PKHD1L1: variants seen among roughly 807,000 people sequenced by gnomAD.
The protein encoded by PKHD1L1 is fibrocystin-L.
Under a neutral mutation model 462.9 loss-of-function variants are expected in PKHD1L1, and 434 were observed. That is an observed-to-expected ratio of 0.94 (90% CI 0.87 to 1.02). The LOEUF (loss-of-function observed/expected upper bound fraction) is 1.02. PKHD1L1 is among the 50% of genes least tolerant of loss of function. The pLI is 0.00. For synonymous variants in PKHD1L1, 1,781 were observed against 1,750.0 expected (o/e 1.02, Z -0.44); for missense variants, 5,202 against 5,096.1 (o/e 1.02, Z -0.63).
rs1045357947 is a variant in PKHD1L1, at chr8:109,476,574, A to T, written c.8824A>T (p.Met2942Leu). Residue 2942 changes from methionine (M) to leucine (L), a missense_variant, in exon 52 of 78, where the codon ATG becomes TTG. Met to Leu is a conservative substitution (Grantham distance 15). Coordinates refer to ENST00000378402, the MANE Select transcript of PKHD1L1 (RefSeq NM_177531.6). ...QNPDMFNIID[M>L]RNGSSNPLNW... is the part of the protein sequence containing the mutation. ...TCCTGACATGTTTAATATTATTGATATGAGGAATGGTTCCTCAAATCCATT... is the reference window on the plus strand; with the variant it reads ...TCCTGACATGTTTAATATTATTGATTTGAGGAATGGTTCCTCAAATCCATT... 3 of 1,557,234 alleles carry T rather than the reference A, an allele frequency of 1.9e-6. No homozygotes were observed. Among genetic ancestry groups the T allele is most frequent in the Non-Finnish European group, 2.6e-6 (3 of 1,139,876 alleles).
chr8:109,441,737 C>T (rs1041990155), intron 34 of PKHD1L1, among the ~76,000 whole-genome samples: 3 of 151,966 alleles, frequency 2.0e-5, no homozygotes, highest in African/African-American at 7.2e-5. Flanking sequence ...TCTAAGCAAA[C>T]TATTTATTGA....
intron 51 of PKHD1L1, among the ~76,000 whole-genome samples, chr8:109,475,861 A>AG (rs1001351122): frequency 1.3e-5 from 2 of 151,116 alleles, no homozygotes; most frequent in Non-Finnish European, 2.9e-5. Flanking sequence ...AAAAAAAAAA[A>AG]AAGCCACTAC....
chr8:109,401,542 A>G lies in PKHD1L1; in HGVS notation c.1327A>G (p.Ser443Gly). ...TGCTAATGCCAACAGTTATTTTTCC[A>G]GTCCAACACAAAGATCAGATGATAT... ...HSANANSYFS[S>G]PTQRSDDIHL... The change falls in exon 14 of 78, where the codon AGT becomes GGT. Residue 443 changes from serine (S) to glycine (G), a missense_variant. Transcript: ENST00000378402. 1 of 1,594,992 alleles carries G rather than the reference A, an allele frequency of 6.3e-7. No homozygotes were observed. Among genetic ancestry groups the G allele is most frequent in the Non-Finnish European group, 8.6e-7 (1 of 1,164,336 alleles).
intron 2 of PKHD1L1, among the ~76,000 whole-genome samples, chr8:109,380,223 C>A (rs1005749971): frequency 6.7e-6 from 1 of 149,696 alleles, no homozygotes; most frequent in African/African-American, 2.6e-5. Flanking sequence ...CTACCTCTAA[C>A]ACTCTTGTAT....
chr8:109,493,770 G>C lies in PKHD1L1; in HGVS notation c.10327+19G>C. Reference sequence around the variant, plus strand: ...TGCCCAGGTAAGTCTTTTAAACCAGGAATCGCTAAAACTAGGAAATAACTT... The same window carrying C: ...TGCCCAGGTAAGTCTTTTAAACCAGCAATCGCTAAAACTAGGAAATAACTT... On this transcript the variant is annotated intron_variant, in intron 63 of 77. Transcript: ENST00000378402. 1.3e-6 allele frequency: 2 copies of C among 1,521,986 alleles called. No individual in the cohort carries two copies. The allele number at this position is 1,521,986 out of a possible 1,614,324, so 94.3% of individuals were successfully genotyped here.
In PKHD1L1 at chr8:109,413,538, G is replaced by A; in HGVS notation, c.2353G>A (p.Gly785Arg). The stretch of plus-strand genomic sequence containing the variant: ...ACAGTTTACATACAACTTTGCTTAT[G>A]GAAACAAGTAAGTTACGCTATGAAT... ...DTQFTYNFAY[G>R]NNWTYTCIDL... Residue 785 changes from glycine (G) to arginine (R), a missense_variant, in exon 21 of 78, where the codon GGA becomes AGA. Physicochemically the swap from Gly to Arg is moderately radical, Grantham distance 125. This residue lies in a region of PKHD1L1 where 4,497 missense variants were observed against 4,336.8 expected (regional missense o/e 1.04). Coordinates refer to ENST00000378402, the MANE Select transcript of PKHD1L1 (RefSeq NM_177531.6). The A allele has an allele frequency of 6.6e-7, 1 of 1,521,208 alleles. No individual in the cohort carries two copies. The allele number at this position is 1,521,208 out of a possible 1,614,324, so 94.2% of individuals were successfully genotyped here.
chr8:109,388,403 A>G (rs909927564), intron 6 of PKHD1L1, 94 bp from the exon 7 acceptor site: 2 of 887,584 alleles, frequency 2.3e-6, no homozygotes, highest in African/African-American at 3.4e-5. Flanking sequence ...GAGAAAAAAA[A>G]TTTAAGGGAA....
At chr8:109,443,340 C>T (rs1300634266) in intron 36 of PKHD1L1, among the ~76,000 whole-genome samples, 1 of 152,134 alleles carries the variant, frequency 6.6e-6, no homozygotes, top group Non-Finnish European at 1.5e-5. Flanking sequence ...TGTGTGCTTC[C>T]AATGAGAAGT....
At position 109,484,993 on chromosome 8, in the gene PKHD1L1, TA is replaced by T. The variant is rs1818454035; in HGVS notation, c.9577-48del. On this transcript the variant is annotated intron_variant, in intron 57 of 77. Coordinates refer to ENST00000378402, the MANE Select transcript of PKHD1L1 (RefSeq NM_177531.6). ...GATTTAATAATGATATCAAGAAATA[TA>T]AATCTATTTTTAAAATTGTTCTTAA... The T allele has an allele frequency of 2.8e-6, 4 of 1,415,736 alleles. No individual in the cohort carries two copies. In the East Asian group the frequency reaches 1.0e-4, roughly 35 times the overall value. The allele number at this position is 1,415,736 out of a possible 1,614,324, so 87.7% of individuals were successfully genotyped here.
At chr8:109,391,982 A>T (rs1812734981) in intron 9 of PKHD1L1, among the ~76,000 whole-genome samples, 1 of 152,204 alleles carries the variant, frequency 6.6e-6, no homozygotes, top group African/African-American at 2.4e-5. Context: ...AGAGTGGAAG[A>T]TATATAAATG....
chr8:109,399,530 C>T (rs1813162464), intron 12 of PKHD1L1, among the ~76,000 whole-genome samples: 1 of 151,800 alleles, frequency 6.6e-6, no homozygotes, highest in South Asian at 2.1e-4. Flanking sequence ...TGATTCTGTC[C>T]AAGAAGGAGA....
At chr8:109,366,708 T>G (rs1054545333) in intron 2 of PKHD1L1, among the ~76,000 whole-genome samples, 1 of 135,724 alleles carries the variant, frequency 7.4e-6, no homozygotes, top group Non-Finnish European at 1.6e-5. Flanking sequence ...TTTTTTTTTT[T>G]TGAGACGGAG....
At chr8:109,489,077 A>G (rs183514987) in intron 59 of PKHD1L1, among the ~76,000 whole-genome samples, 7 of 152,090 alleles carry the variant, frequency 4.6e-5, no homozygotes, top group Admixed American at 2.0e-4. Flanking sequence ...TGTAGTAATC[A>G]TGTCTTCTCT....
At chr8:109,477,133 C>T (rs1818029113) in intron 52 of PKHD1L1, 92 bp from the exon 53 acceptor site, 1 of 1,255,448 alleles carries the variant, frequency 8.0e-7, no homozygotes, top group African/African-American at 1.5e-5. Context: ...AAGTTACTAC[C>T]TAAAGAACAT....
At chr8:109,379,745 C>G (rs1812015199) in intron 2 of PKHD1L1, among the ~76,000 whole-genome samples, 1 of 152,202 alleles carries the variant, frequency 6.6e-6, no homozygotes, top group Non-Finnish European at 1.5e-5. Context: ...ATGCTCCCAT[C>G]ATGGGTCGCA....
chr8:109,374,388 G>A (rs1423308463), intron 2 of PKHD1L1, among the ~76,000 whole-genome samples: 4 of 152,242 alleles, frequency 2.6e-5, no homozygotes, highest in East Asian at 1.9e-4. Flanking sequence ...TTGAGCCTAT[G>A]TGTGTCTCTG....
chr8:109,512,407 T>C (rs1237888113), intron 71 of PKHD1L1, among the ~76,000 whole-genome samples: 2 of 151,976 alleles, frequency 1.3e-5, no homozygotes, highest in East Asian at 3.9e-4. Context: ...TTCAGCTTTC[T>C]ACATATGGCT....
chr8:109,488,640 C>T (rs961111063), intron 59 of PKHD1L1, among the ~76,000 whole-genome samples: 1 of 151,904 alleles, frequency 6.6e-6, no homozygotes, highest in Non-Finnish European at 1.5e-5. Flanking sequence ...TTTCGTTTTG[C>T]AACAGATCTA....
At position 109,393,581 on chromosome 8, in the gene PKHD1L1, T is replaced by G. The variant is rs561896576; in HGVS notation, c.741-834T>G. On this transcript the variant is annotated intron_variant, in intron 9 of 77. Transcript: ENST00000378402. ...TCACACACATTAGTGGGCAGAGGAGTAGTACTGTGTAATACACACGTGAGG... is the reference window on the plus strand; with the variant it reads ...TCACACACATTAGTGGGCAGAGGAGGAGTACTGTGTAATACACACGTGAGG... Among the ~76,000 whole-genome samples the G allele has an allele frequency of 2.6e-5, 4 of 152,198 alleles. No individual in the cohort carries two copies. The East Asian group carries it at 5.8e-4, about 22-fold the overall frequency.
Sources: gnomAD v4.1 joint callset for allele counts (sites outside exome capture counted in the v4.1 genomes callset) on GRCh38, gnomAD v4.1.1 for gene constraint, gnomAD v4.1.1 regional missense constraint, MANE v1.5 for transcripts, NCBI Gene and HGNC (gene_info 2026-07-23, HGNC 2026-07-21) for gene names.